Variants in HTR2C observed in about 807,000 individuals in gnomAD.
The protein encoded by HTR2C is 5-hydroxytryptamine receptor 2C, also known as 5-hydroxytryptamine (serotonin) receptor 2C, G protein-coupled.
Under a neutral mutation model 21.0 loss-of-function variants are expected in HTR2C, and 5 were observed. The observed-to-expected ratio is 0.24, with a 90% CI of 0.12 to 0.50. The LOEUF is 0.50. HTR2C is among the 20% of genes least tolerant of loss of function. HTR2C has a pLI of 0.98. For missense variants in HTR2C, 271 were observed against 371.2 expected (o/e 0.73, Z 2.22); for synonymous variants, 150 against 145.3 (o/e 1.03, Z -0.23).
chrX:114,868,546 A>G (rs1425654769), intron 5 of HTR2C, among the ~76,000 whole-genome samples: 1 of 111,945 alleles, frequency 8.9e-6, no homozygotes, highest in Non-Finnish European at 1.9e-5. Context: ...TGCTACCATG[A>G]TTGATCCTGC....
At chrX:114,845,194 C>T (rs1236211078) in intron 4 of HTR2C, among the ~76,000 whole-genome samples, 1 of 110,070 alleles carries the variant, frequency 9.1e-6, no homozygotes, top group Non-Finnish European at 1.9e-5. Flanking sequence ...TATTATTATT[C>T]AAAGTAGAAA....
At chrX:114,801,943 AAATCATTTT>A (rs781791370) in intron 4 of HTR2C, among the ~76,000 whole-genome samples, 433 of 111,447 alleles carry the variant, frequency 3.9e-3, no homozygotes, top group Non-Finnish European at 6.1e-3. Context: ...TGGTTTAATT[AAATCATTTT>A]AATTTGAATG....
At chrX:114,905,427 C>A (rs1402882007) in intron 5 of HTR2C, among the ~76,000 whole-genome samples, 1 of 111,769 alleles carries the variant, frequency 8.9e-6, no homozygotes. Context: ...GATCATCCAG[C>A]CAGACACTCT....
intron 1 of HTR2C, among the ~76,000 whole-genome samples, chrX:114,593,964 C>A (rs891990998): frequency 8.9e-6 from 1 of 111,840 alleles, no homozygotes; most frequent in Non-Finnish European, 1.9e-5. Context: ...TGTCATTTTC[C>A]ATTCACTCCA....
intron 2 of HTR2C, among the ~76,000 whole-genome samples, chrX:114,676,448 T>A (rs1449531902): frequency 9.4e-6 from 1 of 106,102 alleles, no homozygotes; most frequent in Admixed American, 1.0e-4. Context: ...CTTTCTGAGG[T>A]AAAAAAAAAA....
intron 2 of HTR2C, among the ~76,000 whole-genome samples, chrX:114,697,198 A>C (rs1932305494): frequency 8.9e-6 from 1 of 112,043 alleles, no homozygotes; most frequent in Non-Finnish European, 1.9e-5. Context: ...TTATGGAATA[A>C]ATTTCCCATT....
intron 4 of HTR2C, among the ~76,000 whole-genome samples, chrX:114,822,423 C>A (rs1393386689): frequency 8.9e-6 from 1 of 112,119 alleles, no homozygotes; most frequent in African/African-American, 3.2e-5. Flanking sequence ...CAGCAGAAGT[C>A]CTCATTATTA....
chrX:114,811,144 C>T (rs1172860843), intron 4 of HTR2C, among the ~76,000 whole-genome samples: 1 of 111,390 alleles, frequency 9.0e-6, no homozygotes, highest in African/African-American at 3.3e-5. Flanking sequence ...GTTGTCTTTC[C>T]CGCATCAGGC....
At chrX:114,611,726 C>T (rs1413526802) in intron 1 of HTR2C, among the ~76,000 whole-genome samples, 1 of 111,603 alleles carries the variant, frequency 9.0e-6, no homozygotes, top group Non-Finnish European at 1.9e-5. Flanking sequence ...GAGACGGAGT[C>T]TCGCTCTGTC....
intron 4 of HTR2C, among the ~76,000 whole-genome samples, chrX:114,837,365 G>A (rs932690179): frequency 3.6e-5 from 4 of 111,812 alleles, no homozygotes; most frequent in African/African-American, 1.3e-4. Flanking sequence ...TTTAGATGTA[G>A]ATTTATATTT....
At chrX:114,865,392 T>C (rs1602892629) in intron 5 of HTR2C, among the ~76,000 whole-genome samples, 1 of 112,222 alleles carries the variant, frequency 8.9e-6, no homozygotes, top group African/African-American at 3.2e-5. Flanking sequence ...CTTGGATAAA[T>C]ACTTAAGAGT....
At chrX:114,855,322 C>A (rs2070950640) in intron 5 of HTR2C, among the ~76,000 whole-genome samples, 1 of 111,150 alleles carries the variant, frequency 9.0e-6, no homozygotes, top group Non-Finnish European at 1.9e-5. Context: ...TATATTGTAA[C>A]ATCAGGCATA....
At chrX:114,765,964 A>G (rs1396556694) in intron 4 of HTR2C, among the ~76,000 whole-genome samples, 14 of 111,700 alleles carry the variant, frequency 1.3e-4, no homozygotes, top group African/African-American at 4.6e-4. Context: ...ATCTTCAAAG[A>G]CTTGAAGGAT....
At chrX:114,691,469 T>G (rs2147860921) in intron 2 of HTR2C, among the ~76,000 whole-genome samples, 1 of 112,049 alleles carries the variant, frequency 8.9e-6, no homozygotes, top group South Asian at 3.7e-4. Context: ...CACTTGCTTT[T>G]TTGTTGACTC....
intron 5 of HTR2C, among the ~76,000 whole-genome samples, chrX:114,876,668 G>A (rs1393091500): frequency 2.7e-5 from 3 of 109,845 alleles, no homozygotes; most frequent in Non-Finnish European, 3.8e-5. Context: ...TATGTCAAAT[G>A]TTATTTTTCT....
intron 4 of HTR2C, among the ~76,000 whole-genome samples, chrX:114,804,987 A>G (rs1038758119): frequency 8.9e-6 from 1 of 111,751 alleles, no homozygotes; most frequent in East Asian, 2.8e-4. Flanking sequence ...AAAGTATGTC[A>G]AAGAAAAAGG....
intron 5 of HTR2C, among the ~76,000 whole-genome samples, chrX:114,863,339 T>G (rs1389724143): frequency 1.8e-5 from 2 of 111,454 alleles, no homozygotes; most frequent in African/African-American, 6.5e-5. Context: ...CTTTGATATG[T>G]TGTGTTTCTA....
rs77580334 is a variant in HTR2C at position 114,843,410 on chromosome X, T to A, written c.350-4593T>A. 7.5e-3 allele frequency among the ~76,000 whole-genome samples: 830 copies of A among 111,096 alleles called. 63 individuals carry two copies. In the East Asian group the frequency reaches 0.2, roughly 27 times the overall value. ...AAGAATCAGAGAACATGAAAACAGG[T>A]CAATTGTGATTATCCAGTCCAAGGA... On this transcript the variant is annotated intron_variant, in intron 4 of 5. Coordinates refer to ENST00000276198, the MANE Select transcript of HTR2C (RefSeq NM_000868.4).
chrX:114,836,902 T>C (rs1240288986), intron 4 of HTR2C, among the ~76,000 whole-genome samples: 7 of 112,233 alleles, frequency 6.2e-5, no homozygotes, highest in Non-Finnish European at 1.3e-4. Context: ...TTTTCATTTT[T>C]CCTTTTAAGT....
Sources: gnomAD v4.1 joint callset for allele counts (sites outside exome capture counted in the v4.1 genomes callset) on GRCh38, gnomAD v4.1.1 for gene constraint, MANE v1.5 for transcripts, NCBI Gene and HGNC (gene_info 2026-07-23, HGNC 2026-07-21) for gene names.